Variants in ASTN1 observed in about 807,000 individuals in gnomAD.
The protein encoded by ASTN1 is astrotactin 1.
In ASTN1, 41 loss-of-function variants were observed where a neutral mutation model predicts 140.7. The ratio of observed to expected loss-of-function variants is 0.29; its 90% CI spans 0.23 to 0.38. ASTN1 has a LOEUF of 0.38. ASTN1 is among the 10% of genes least tolerant of loss of function. ASTN1 has a pLI of 1.00. For missense variants in ASTN1, 1,479 were observed against 1,678.8 expected (o/e 0.88, Z 2.08); for synonymous variants, 640 against 652.2 (o/e 0.98, Z 0.29).
At chr1:176,977,641 C>G (rs546565885) in intron 8 of ASTN1, among the ~76,000 whole-genome samples, 1 of 152,292 alleles carries the variant, frequency 6.6e-6, no homozygotes, top group South Asian at 2.1e-4. Flanking sequence ...AGTCAGTGAG[C>G]CAAGTACTTT....
In ASTN1 at chr1:177,002,121, C is replaced by A. The variant is rs796280743; in HGVS notation, c.1523+12670G>T. On this transcript the variant is annotated intron_variant, in intron 8 of 22. Transcript: ENST00000361833. Reference sequence around the variant, plus strand: ...AGAGTCTTAAATCTAAAGGCCAACACCAATTGGCAACTCTGGTGTTGCCTA... The same window carrying A: ...AGAGTCTTAAATCTAAAGGCCAACAACAATTGGCAACTCTGGTGTTGCCTA... Among the ~76,000 whole-genome samples the A allele has an allele frequency of 5.8e-4, 89 of 152,274 alleles. 1 individual carries two copies. Among genetic ancestry groups the A allele is most frequent in the African/African-American group, 2.1e-3 (86 of 41,552 alleles).
At position 176,975,963 on chromosome 1, in the gene ASTN1, G is replaced by C. The variant is rs543032977; in HGVS notation, c.1524-10726C>G. ...GTTTGGCATTCTGTATAATATAATT[G>C]CCATAGAAACAGAAATTGCAATCCA... On this transcript the variant is annotated intron_variant, in intron 8 of 22. Coordinates refer to ENST00000361833, the MANE Select transcript of ASTN1 (RefSeq NM_004319.3). The C allele has an allele frequency of 3.9e-5, 6 of 152,224 alleles. No individual in the cohort carries two copies. In the East Asian group the frequency reaches 1.2e-3, roughly 29 times the overall value. The allele number at this position is 152,224 out of a possible 1,614,324, so 9.4% of individuals were successfully genotyped here. A position where few individuals can be genotyped will look rare whatever the true frequency, so the allele number is the denominator to read the frequency against.
chr1:177,081,882 A>T (rs903016861), intron 1 of ASTN1, among the ~76,000 whole-genome samples: 1 of 152,180 alleles, frequency 6.6e-6, no homozygotes, highest in African/African-American at 2.4e-5. Context: ...GGAAAGAAGA[A>T]TGGAAAACGC....
intron 16 of ASTN1, among the ~76,000 whole-genome samples, chr1:176,930,022 A>T (rs1219037269): frequency 4.6e-5 from 7 of 152,164 alleles, no homozygotes; most frequent in Non-Finnish European, 1.0e-4. Context: ...AAACAAAAGG[A>T]TAACAGATGG....
chr1:176,927,910 G>A (rs538501395), intron 16 of ASTN1, among the ~76,000 whole-genome samples: 10 of 152,160 alleles, frequency 6.6e-5, no homozygotes, highest in African/African-American at 2.4e-4. Flanking sequence ...CAATTTGGAA[G>A]TTTTCAGTCC....
At chr1:177,097,628 C>A (rs958591371) in intron 1 of ASTN1, among the ~76,000 whole-genome samples, 6 of 152,130 alleles carry the variant, frequency 3.9e-5, no homozygotes, top group African/African-American at 1.4e-4. Context: ...GGAGGAACAT[C>A]TTTTGCTATT....
chr1:176,873,017 C>T (rs562832891), intron 21 of ASTN1, among the ~76,000 whole-genome samples: 1 of 152,224 alleles, frequency 6.6e-6, no homozygotes, highest in Admixed American at 6.5e-5. Context: ...CTGCCTAGAA[C>T]AGGTATTTAG....
In ASTN1 at chr1:176,876,643, A is replaced by G. The variant is rs1178519142; in HGVS notation, c.3363-6T>C. On this transcript the variant is annotated splice_polypyrimidine_tract_variant and splice_region_variant and intron_variant, in intron 20 of 22. Coordinates refer to ENST00000361833, the MANE Select transcript of ASTN1 (RefSeq NM_004319.3). ...CCACTCCCCACAGCGTGAACCTGGC[A>G]GGGAGTGGGAGGGCATGGTTAGCAG... 1 of 1,613,550 alleles carries G rather than the reference A, an allele frequency of 6.2e-7. No homozygotes were observed. The highest frequency in any genetic ancestry group is 2.2e-5 in the East Asian group (1 of 44,856).
intron 4 of ASTN1, 91 bp downstream of exon 4, chr1:177,030,715 C>T (rs768098183): frequency 2.6e-5 from 40 of 1,519,174 alleles, no homozygotes; most frequent in East Asian, 4.5e-5. Context: ...TCTCCAGCCA[C>T]GCATGAGAGA....
chr1:176,964,789 A>G (rs1672805978), intron 9 of ASTN1, among the ~76,000 whole-genome samples: 1 of 152,142 alleles, frequency 6.6e-6, no homozygotes, highest in Non-Finnish European at 1.5e-5. Context: ...TTAATTGCCT[A>G]CTCTGTGCCA....
chr1:176,857,620 A>G (rs1012564154), downstream of ASTN1: 2 of 617,998 alleles, frequency 3.2e-6, no homozygotes, highest in Admixed American at 2.8e-5. Context: ...ATCATCTACA[A>G]CTCCTCTGAC....
chr1:177,083,711 C>A (rs562034677), intron 1 of ASTN1, among the ~76,000 whole-genome samples: 2 of 152,186 alleles, frequency 1.3e-5, no homozygotes, highest in Admixed American at 6.5e-5. Context: ...ACAAAGTACC[C>A]AAAATCCTGA....
intron 22 of ASTN1, among the ~76,000 whole-genome samples, 161 bp from the exon 23 acceptor site, chr1:176,864,682 A>C (rs1340598524): frequency 6.6e-6 from 1 of 151,218 alleles, no homozygotes; most frequent in Non-Finnish European, 1.5e-5. Flanking sequence ...TCCTCCAAAA[A>C]TATCTGTCAA....
chr1:176,884,484 T>C lies in ASTN1; in HGVS notation c.3081A>G (p.Arg1027=). ...TCAPLPQPVL[R]LSTVHEPSST... ...TGCTGGGCTCGTGAACCGTGGAGAG[T>C]CTCAGCCTGTGTGCAGACAGGAAGG... Residue 1027 remains arginine, a synonymous_variant, in exon 19 of 23, where the codon AGA becomes AGG. Transcript: ENST00000361833. The C allele has an allele frequency of 6.2e-7, 1 of 1,609,244 alleles. No individual in the cohort carries two copies. The highest frequency in any genetic ancestry group is 8.5e-7 in the Non-Finnish European group (1 of 1,176,310).
At chr1:176,945,796 A>T in intron 13 of ASTN1, 130 bp downstream of exon 13, 2 of 830,724 alleles carry the variant, frequency 2.4e-6, no homozygotes. Context: ...AAGGGTAAGA[A>T]TGTAGTCTAT....
intron 1 of ASTN1, among the ~76,000 whole-genome samples, chr1:177,073,762 C>G (rs552750046): frequency 6.6e-6 from 1 of 151,436 alleles, no homozygotes; most frequent in South Asian, 2.1e-4. Flanking sequence ...AGGCAAGGCT[C>G]TTGCACATAC....
rs776978957 is a variant in ASTN1 at position 176,884,328 on chromosome 1, A to G, written c.3226+11T>C. The G allele has an allele frequency of 1.2e-6, 2 of 1,610,270 alleles. No homozygotes were observed. The highest frequency in any genetic ancestry group is 2.2e-5 in the South Asian group (2 of 90,968). On this transcript the variant is annotated intron_variant, in intron 19 of 22. Transcript: ENST00000361833. ...GGATCAAGACAAGCCCATGAAGTAGAAGGTGCTCACCTGTCTCCACTTTGG... is the reference window on the plus strand; with the variant it reads ...GGATCAAGACAAGCCCATGAAGTAGGAGGTGCTCACCTGTCTCCACTTTGG...
chr1:177,001,117 T>G (rs1416937319), intron 8 of ASTN1, among the ~76,000 whole-genome samples: 1 of 152,230 alleles, frequency 6.6e-6, no homozygotes, highest in Admixed American at 6.5e-5. Flanking sequence ...ACTATTATTC[T>G]TAGGTATTGC....
At chr1:177,124,419 C>T (rs1441486020) in intron 1 of ASTN1, among the ~76,000 whole-genome samples, 1 of 152,196 alleles carries the variant, frequency 6.6e-6, no homozygotes, top group Non-Finnish European at 1.5e-5. Context: ...GATGAATCCT[C>T]TCCCACAAAA....
Sources: gnomAD v4.1 joint callset for allele counts (sites outside exome capture counted in the v4.1 genomes callset) on GRCh38, gnomAD v4.1.1 for gene constraint, MANE v1.5 for transcripts, NCBI Gene and HGNC (gene_info 2026-07-23, HGNC 2026-07-21) for gene names.